PTPRM: variants seen among roughly 807,000 people sequenced by gnomAD.
PTPRM encodes receptor-type tyrosine-protein phosphatase mu.
PTPRM carries 47 observed loss-of-function variants against 186.7 expected under a neutral mutation model. That is an observed-to-expected ratio of 0.25 (90% CI 0.20 to 0.32). The LOEUF is 0.32. Ranked by LOEUF, PTPRM falls within the 10% of genes least tolerant of loss-of-function variation. The pLI is 1.00. For missense variants in PTPRM, 1,494 were observed against 1,865.0 expected (o/e 0.80, Z 3.66); for synonymous variants, 668 against 674.9 (o/e 0.99, Z 0.16).
At chr18:8,358,475 G>T (rs771917400) in intron 23 of PTPRM, among the ~76,000 whole-genome samples, 14 of 152,088 alleles carry the variant, frequency 9.2e-5, no homozygotes, top group Non-Finnish European at 2.1e-4. Flanking sequence ...TGTTTCTCAC[G>T]CCTCCTGTGT....
At chr18:8,137,553 C>T (rs1370015400) in intron 13 of PTPRM, among the ~76,000 whole-genome samples, 1 of 152,154 alleles carries the variant, frequency 6.6e-6, no homozygotes, top group Non-Finnish European at 1.5e-5. Context: ...TATTGCTGCC[C>T]AGTTGTTCTC....
intron 13 of PTPRM, among the ~76,000 whole-genome samples, chr18:8,133,383 C>T (rs192285101): frequency 5.3e-5 from 8 of 152,196 alleles, no homozygotes; most frequent in Admixed American, 1.3e-4. Flanking sequence ...CATGTGAGGG[C>T]CACAAAGATG....
Position 8,253,311 on chromosome 18 carries a change from A to T in PTPRM, c.2651A>T (p.Tyr884Phe). ...AAGCGAGAGCCGGCCGACGTGCCCT[A>T]TCAGACTGGGCAGCTCCACCCCGCC... The part of the protein sequence containing the change: ...YKKREPADVP[Y>F]QTGQLHPAIR... Residue 884 changes from tyrosine to phenylalanine, a missense_variant, in exon 19 of 33, where the codon TAT becomes TTT. Coordinates refer to ENST00000580170, the MANE Select transcript of PTPRM (RefSeq NM_001105244.2). The T allele has an allele frequency of 6.3e-7, 1 of 1,599,674 alleles. No homozygotes were observed. Among genetic ancestry groups the T allele is most frequent in the East Asian group, 2.3e-5 (1 of 43,466 alleles).
chr18:8,046,583 T>C (rs1180606679), intron 7 of PTPRM, among the ~76,000 whole-genome samples: 1 of 152,170 alleles, frequency 6.6e-6, no homozygotes, highest in African/African-American at 2.4e-5. Context: ...TATGATTCCC[T>C]ATCCCAGCCC....
chr18:8,112,366 A>G (rs556458108), intron 11 of PTPRM, among the ~76,000 whole-genome samples: 39 of 152,292 alleles, frequency 2.6e-4, no homozygotes, highest in African/African-American at 8.9e-4. Flanking sequence ...GAGTGTAGAG[A>G]CAAACCTTTC....
intron 13 of PTPRM, among the ~76,000 whole-genome samples, chr18:8,139,581 C>T (rs2092716777): frequency 1.3e-5 from 2 of 152,136 alleles, no homozygotes; most frequent in African/African-American, 4.8e-5. Context: ...AGGAGGTGTC[C>T]CCACCCTAAA....
chr18:8,143,510 A>T (rs1027697887), intron 13 of PTPRM, 137 bp from the exon 14 acceptor site: 1 of 891,870 alleles, frequency 1.1e-6, no homozygotes, highest in Non-Finnish European at 1.7e-6. Flanking sequence ...AAAGCTGTTT[A>T]AAAAATCAAA....
intron 22 of PTPRM, among the ~76,000 whole-genome samples, chr18:8,333,760 G>A (rs919159599): frequency 2.0e-5 from 3 of 152,188 alleles, no homozygotes; most frequent in African/African-American, 7.2e-5. Context: ...CTGGCTGCCA[G>A]TGCCCAAAGG....
intron 22 of PTPRM, among the ~76,000 whole-genome samples, chr18:8,328,862 C>T (rs1260103131): frequency 6.6e-6 from 1 of 152,136 alleles, no homozygotes; most frequent in African/African-American, 2.4e-5. Flanking sequence ...AAGATAGTTG[C>T]CAATTAGCCA....
At chr18:7,732,831 A>G (rs2040690197) in intron 1 of PTPRM, among the ~76,000 whole-genome samples, 1 of 152,128 alleles carries the variant, frequency 6.6e-6, no homozygotes, top group African/African-American at 2.4e-5. Context: ...TGAGCCCCAT[A>G]ACTGAACCGC....
chr18:8,259,015 A>G (rs562784935), intron 19 of PTPRM, among the ~76,000 whole-genome samples: 1 of 152,304 alleles, frequency 6.6e-6, no homozygotes, highest in South Asian at 2.1e-4. Context: ...CAGTTGCACA[A>G]TCTCAGCTCA....
At chr18:7,719,750 A>G (rs2040411922) in intron 1 of PTPRM, among the ~76,000 whole-genome samples, 1 of 152,220 alleles carries the variant, frequency 6.6e-6, no homozygotes. Context: ...ATAATAGCCA[A>G]TGAAATCAAA....
At position 7,949,283 on chromosome 18, in the gene PTPRM, G is replaced by A; in HGVS notation, c.766G>A (p.Gly256Arg). The A allele has an allele frequency of 2.5e-6, 4 of 1,614,094 alleles. No homozygotes were observed. Among genetic ancestry groups the A allele is most frequent in the Non-Finnish European group, 3.4e-6 (4 of 1,179,960 alleles). Reference sequence around the variant, plus strand: ...TGTGAATACCACCAAACGAGATGCTGGAAAGTACCGCTGCATGATTCGCAC... The same window carrying A: ...TGTGAATACCACCAAACGAGATGCTAGAAAGTACCGCTGCATGATTCGCAC... Reference protein sequence around the residue: ...NVVNTTKRDAGKYRCMIRTEG... With the variant: ...NVVNTTKRDARKYRCMIRTEG... Residue 256 changes from glycine (G) to arginine (R), a missense_variant, in exon 6 of 33, where the codon GGA (glycine) becomes AGA (arginine). Physicochemically the swap from Gly to Arg is moderately radical, Grantham distance 125 (BLOSUM62 -2). This residue lies in a region of PTPRM where 296 missense variants were observed against 345.5 expected (regional missense o/e 0.86). Coordinates refer to ENST00000580170, the MANE Select transcript of PTPRM (RefSeq NM_001105244.2).
chr18:8,225,130 G>T (rs1423773241), intron 14 of PTPRM, among the ~76,000 whole-genome samples: 2 of 152,088 alleles, frequency 1.3e-5, no homozygotes, highest in African/African-American at 4.8e-5. Flanking sequence ...TATTTATTAA[G>T]TGTCATTCTC....
intron 5 of PTPRM, among the ~76,000 whole-genome samples, chr18:7,937,346 A>AC (rs2051880371): frequency 6.6e-6 from 1 of 152,138 alleles, no homozygotes; most frequent in Non-Finnish European, 1.5e-5. Context: ...GGGTGCCACC[A>AC]CGTTCCCCAT....
chr18:8,148,870 C>A (rs1307484099), intron 14 of PTPRM, among the ~76,000 whole-genome samples: 1 of 152,136 alleles, frequency 6.6e-6, no homozygotes, highest in Non-Finnish European at 1.5e-5. Context: ...TCATTGGTTT[C>A]AAAGAACATC....
intron 1 of PTPRM, among the ~76,000 whole-genome samples, chr18:7,610,832 GCTT>G (rs1160175299): frequency 6.6e-6 from 1 of 152,194 alleles, no homozygotes; most frequent in East Asian, 1.9e-4. Flanking sequence ...AGAGTGTACT[GCTT>G]CTTCTAATTA....
At position 7,568,513 on chromosome 18, in the gene PTPRM, G is replaced by A. The variant is rs2036489694; in HGVS notation, c.73+622G>A. Reference sequence around the variant, plus strand: ...GGGGGAGTTCCTCGCCGGTCCCAGCGGTAGGGCTTGGCGGCCGCGGAGGGA... The same window carrying A: ...GGGGGAGTTCCTCGCCGGTCCCAGCAGTAGGGCTTGGCGGCCGCGGAGGGA... On this transcript the variant is annotated intron_variant, in intron 1 of 32. Coordinates refer to ENST00000580170, the MANE Select transcript of PTPRM (RefSeq NM_001105244.2). The surrounding 1 kb of genome is among the most constrained non-coding windows in gnomAD (Gnocchi z 5.1). Among the ~76,000 whole-genome samples the A allele has an allele frequency of 6.6e-6, 1 of 152,098 alleles. No homozygotes were observed. The highest frequency in any genetic ancestry group is 2.1e-4 in the South Asian group (1 of 4,828).
At chr18:7,623,356 A>G (rs1370181236) in intron 1 of PTPRM, among the ~76,000 whole-genome samples, 5 of 152,146 alleles carry the variant, frequency 3.3e-5, no homozygotes, top group Non-Finnish European at 7.3e-5. Context: ...AAAACATACT[A>G]CCTACTCAAA....
Sources: allele counts gnomAD v4.1 joint callset (sites outside exome capture counted in the v4.1 genomes callset), GRCh38; gene constraint gnomAD v4.1.1; regional missense constraint gnomAD v4.1.1; non-coding constraint Gnocchi (gnomAD v3.1); transcripts MANE v1.5; gene names NCBI Gene and HGNC (gene_info 2026-07-23, HGNC 2026-07-21).